CD96: variants seen among roughly 807,000 people sequenced by gnomAD.
CD96 encodes CD96 molecule.
In CD96, 70 loss-of-function variants were observed where a neutral mutation model predicts 71.3. That is an observed-to-expected ratio of 0.98 (90% CI 0.81 to 1.20). CD96 has a LOEUF of 1.20. Ranked by LOEUF, CD96 falls within the 50% of genes most tolerant of loss-of-function variation. The pLI is 0.00. For missense variants in CD96, 742 were observed against 677.5 expected (o/e 1.10, Z -1.06); for synonymous variants, 248 against 233.0 (o/e 1.06, Z -0.59).
chr3:111,568,751 G>A (rs1260706821), intron 3 of CD96, among the ~76,000 whole-genome samples: 3 of 152,098 alleles, frequency 2.0e-5, no homozygotes, highest in Admixed American at 6.5e-5. Context: ...AAATCAACAT[G>A]AGGATAATAA....
intron 10 of CD96, among the ~76,000 whole-genome samples, chr3:111,627,289 G>T (rs1209502816): frequency 6.6e-6 from 1 of 152,060 alleles, no homozygotes; most frequent in Non-Finnish European, 1.5e-5. Context: ...TTGTTTGGAT[G>T]ACTCAGCCCT....
intron 14 of CD96, among the ~76,000 whole-genome samples, chr3:111,661,478 C>T (rs538891792): frequency 7.2e-5 from 11 of 152,300 alleles, no homozygotes; most frequent in Admixed American, 2.6e-4. Context: ...TGAGACAAGG[C>T]GAGTCCCTTC....
intron 1 of CD96, among the ~76,000 whole-genome samples, chr3:111,544,553 A>G (rs1267041570): frequency 6.6e-6 from 1 of 152,226 alleles, no homozygotes; most frequent in Non-Finnish European, 1.5e-5. Context: ...TAAACAAGAT[A>G]AGATATGAAA....
intron 10 of CD96, among the ~76,000 whole-genome samples, chr3:111,636,800 G>A (rs1458079522): frequency 2.0e-5 from 3 of 152,198 alleles, no homozygotes. Flanking sequence ...GTTCTAGCAA[G>A]GTCTTCAAAG....
At chr3:111,663,891 G>A (rs1940416617) in intron 14 of CD96, among the ~76,000 whole-genome samples, 1 of 152,042 alleles carries the variant, frequency 6.6e-6, no homozygotes, top group Admixed American at 6.6e-5. Context: ...TGAGACTACA[G>A]GTGCCTGCCA....
downstream of CD96, among the ~76,000 whole-genome samples, chr3:111,654,067 C>T (rs1940170901): frequency 6.6e-6 from 1 of 152,128 alleles, no homozygotes; most frequent in African/African-American, 2.4e-5. Context: ...GCCCTCTTGG[C>T]ACCCAGACTT....
At chr3:111,551,122 G>A (rs1470619097) in intron 2 of CD96, among the ~76,000 whole-genome samples, 2 of 152,182 alleles carry the variant, frequency 1.3e-5, no homozygotes, top group African/African-American at 4.8e-5. Flanking sequence ...AAAGACCAAT[G>A]AGGTTGGAGA....
chr3:111,575,396 A>G (rs1936176593), intron 3 of CD96, among the ~76,000 whole-genome samples: 3 of 152,246 alleles, frequency 2.0e-5, no homozygotes, highest in Non-Finnish European at 4.4e-5. Context: ...CAAAACATCA[A>G]ATTTGTAAAT....
At chr3:111,601,182 C>T (rs1937481918) in intron 7 of CD96, among the ~76,000 whole-genome samples, 1 of 152,144 alleles carries the variant, frequency 6.6e-6, no homozygotes, top group Admixed American at 6.5e-5. Context: ...TTTAATTCAT[C>T]ATAACTCTTA....
At chr3:111,582,323 G>T (rs1009531358) in intron 4 of CD96, among the ~76,000 whole-genome samples, 15 of 152,180 alleles carry the variant, frequency 9.9e-5, no homozygotes, top group African/African-American at 3.6e-4. Flanking sequence ...CTATGCTCAA[G>T]AATTTACTTG....
downstream of CD96, chr3:111,652,522 C>A (rs1436924955): frequency 2.0e-5 from 3 of 152,090 alleles, no homozygotes; most frequent in Admixed American, 1.3e-4. Context: ...TACAGTATAA[C>A]ATAAATTCAT....
chr3:111,632,168 A>G (rs993224976), intron 10 of CD96, among the ~76,000 whole-genome samples: 1 of 152,150 alleles, frequency 6.6e-6, no homozygotes, highest in Non-Finnish European at 1.5e-5. Context: ...GAAACTATCA[A>G]CAGAGTAAAC....
intron 14 of CD96, among the ~76,000 whole-genome samples, chr3:111,661,921 G>C (rs528856536): frequency 1.3e-5 from 2 of 152,194 alleles, no homozygotes; most frequent in Non-Finnish European, 2.9e-5. Flanking sequence ...TATGTATGGG[G>C]GTTCCAAGCT....
At position 111,650,557 on chromosome 3, in the gene CD96, C is replaced by T. The variant is rs1451550483; in HGVS notation, c.*751C>T. 1.3e-5 allele frequency: 2 copies of T among 152,298 alleles called. No homozygotes were observed. Among genetic ancestry groups the T allele is most frequent in the African/African-American group, 2.4e-5 (1 of 41,448 alleles). The allele number at this position is 152,298 out of a possible 1,614,324, so 9.4% of individuals were successfully genotyped here. A position where few individuals can be genotyped will look rare whatever the true frequency, so the allele number is the denominator to read the frequency against. On this transcript the variant is annotated 3_prime_UTR_variant, in exon 14 of 14. Coordinates refer to ENST00000352690, the MANE Select transcript of CD96 (RefSeq NM_005816.5). ...ATTTGAGTGCCTTCGTGTGTATGTC[C>T]ATCAAACTGGAACCAAACTGTTTTG... is the stretch of plus-strand genomic sequence containing the variant.
At chr3:111,581,137 C>T (rs1167088142) in intron 4 of CD96, among the ~76,000 whole-genome samples, 2 of 152,124 alleles carry the variant, frequency 1.3e-5, no homozygotes, top group Admixed American at 6.5e-5. Context: ...TTTGTCTCTA[C>T]ATTTCTCTTG....
At chr3:111,596,653 C>T (rs1273921106) in intron 5 of CD96, among the ~76,000 whole-genome samples, 2 of 152,118 alleles carry the variant, frequency 1.3e-5, no homozygotes, top group African/African-American at 2.4e-5. Context: ...AAACATTTTA[C>T]CTCCTTTACC....
intron 14 of CD96, among the ~76,000 whole-genome samples, chr3:111,663,150 T>C (rs527951069): frequency 6.6e-6 from 1 of 152,264 alleles, no homozygotes; most frequent in South Asian, 2.1e-4. Context: ...TCCTACACCC[T>C]TTCAAACAAA....
At chr3:111,631,497 A>T (rs1019139334) in intron 10 of CD96, among the ~76,000 whole-genome samples, 2 of 152,212 alleles carry the variant, frequency 1.3e-5, no homozygotes, top group Non-Finnish European at 2.9e-5. Context: ...ATCAGAGATG[A>T]CACAAATGCA....
At chr3:111,624,531 G>A in intron 10 of CD96, 127 bp downstream of exon 10, 1 of 708,046 alleles carries the variant, frequency 1.4e-6, no homozygotes, top group South Asian at 1.5e-5. Context: ...CATCTATCAT[G>A]TTTAAAGTAT....
Sources: gnomAD v4.1 joint callset for allele counts (sites outside exome capture counted in the v4.1 genomes callset) on GRCh38, gnomAD v4.1.1 for gene constraint, MANE v1.5 for transcripts, NCBI Gene and HGNC (gene_info 2026-07-23, HGNC 2026-07-21) for gene names.